The following PRKN variants were observed in gnomAD, a reference collection of about 807,000 sequenced individuals.
PRKN encodes parkin RBR E3 ubiquitin protein ligase, also known as E3 ubiquitin-protein ligase parkin.
In PRKN, 56 loss-of-function variants were observed where a neutral mutation model predicts 59.5. That is an observed-to-expected ratio of 0.94 (90% CI 0.76 to 1.18). The LOEUF is 1.18. Ranked by LOEUF, PRKN falls within the 50% of genes most tolerant of loss-of-function variation. The pLI is 0.00. For missense variants in PRKN, 657 were observed against 596.4 expected, an observed-to-expected ratio of 1.10 and a Z score of -1.06; for synonymous variants, 250 against 222.1, an observed-to-expected ratio of 1.13 and a Z score of -1.12.
At chr6:162,555,213 T>C (rs1020018274) in intron 1 of PRKN, among the ~76,000 whole-genome samples, 1 of 152,144 alleles carries the variant, frequency 6.6e-6, no homozygotes, top group Non-Finnish European at 1.5e-5. Context: ...GAATTTAAAA[T>C]CATGTCTAGA....
chr6:161,668,582 G>GCTC (rs1402524130), intron 7 of PRKN, among the ~76,000 whole-genome samples: 1 of 152,126 alleles, frequency 6.6e-6, no homozygotes, highest in Non-Finnish European at 1.5e-5. Context: ...AAGATATTAA[G>GCTC]CTCCATTAAT....
intron 1 of PRKN, among the ~76,000 whole-genome samples, chr6:162,457,605 C>T (rs1790940779): frequency 6.6e-6 from 1 of 150,780 alleles, no homozygotes; most frequent in Non-Finnish European, 1.5e-5. Context: ...TTAATACAAA[C>T]AAAGAAATAA....
At chr6:162,521,882 T>C (rs550916172) in intron 1 of PRKN, among the ~76,000 whole-genome samples, 1 of 152,302 alleles carries the variant, frequency 6.6e-6, no homozygotes, top group South Asian at 2.1e-4. Context: ...CAAGTAAGCA[T>C]GAATAGAATT....
At chr6:161,906,866 C>T (rs908583249) in intron 6 of PRKN, among the ~76,000 whole-genome samples, 6 of 151,870 alleles carry the variant, frequency 4.0e-5, no homozygotes, top group South Asian at 4.1e-4. Flanking sequence ...GTTTCCAGCA[C>T]GGGAGAAAGA....
chr6:161,828,488 C>T (rs563085496), intron 6 of PRKN, among the ~76,000 whole-genome samples: 32 of 152,084 alleles, frequency 2.1e-4, no homozygotes, highest in Non-Finnish European at 3.8e-4. Context: ...TTCCTGTGGG[C>T]CCCCCGACCT....
At chr6:161,675,521 C>T (rs1398797853) in intron 7 of PRKN, among the ~76,000 whole-genome samples, 1 of 152,216 alleles carries the variant, frequency 6.6e-6, no homozygotes, top group African/African-American at 2.4e-5. Context: ...GCAAAGACAA[C>T]TGTGATGCTG....
intron 7 of PRKN, among the ~76,000 whole-genome samples, chr6:161,722,877 C>T (rs1787283156): frequency 6.6e-6 from 1 of 152,090 alleles, no homozygotes; most frequent in South Asian, 2.1e-4. Context: ...CTGACTTTAA[C>T]CTTTAAAGAT....
intron 5 of PRKN, among the ~76,000 whole-genome samples, chr6:161,985,491 C>G (rs566903403): frequency 6.6e-6 from 1 of 152,102 alleles, no homozygotes; most frequent in African/African-American, 2.4e-5. Flanking sequence ...TAATTATTTA[C>G]GAGAAACTGA....
chr6:161,531,222 A>G (rs1779197243), intron 9 of PRKN, among the ~76,000 whole-genome samples: 1 of 151,958 alleles, frequency 6.6e-6, no homozygotes, highest in Admixed American at 6.5e-5. Context: ...TCTACTAAAA[A>G]TACAAAAAAT....
intron 1 of PRKN, among the ~76,000 whole-genome samples, chr6:162,499,872 A>G (rs916291215): frequency 5.3e-5 from 8 of 152,190 alleles, no homozygotes; most frequent in African/African-American, 1.9e-4. Context: ...TGTCAAATAT[A>G]TCATCTTTTC....
chr6:162,075,496 C>A (rs9355381), intron 4 of PRKN, among the ~76,000 whole-genome samples: 124,608 of 152,068 alleles, frequency 0.82, 51,252 homozygotes, highest in Admixed American at 0.88. Context: ...AGGTACAAAT[C>A]ACATCGGATT....
chr6:162,199,559 G>A (rs557561993), intron 4 of PRKN, among the ~76,000 whole-genome samples: 7 of 152,270 alleles, frequency 4.6e-5, no homozygotes, highest in African/African-American at 1.7e-4. Flanking sequence ...GGGTAGATGA[G>A]GTTGTGTCTT....
chr6:162,661,381 A>G (rs1458476075), intron 1 of PRKN, among the ~76,000 whole-genome samples: 1 of 152,230 alleles, frequency 6.6e-6, no homozygotes, highest in African/African-American at 2.4e-5. Context: ...TCTAATGCCT[A>G]AAATGCAGCA....
At chr6:162,410,357 C>T (rs1244418685) in intron 2 of PRKN, among the ~76,000 whole-genome samples, 1 of 152,110 alleles carries the variant, frequency 6.6e-6, no homozygotes, top group Admixed American at 6.5e-5. Context: ...AATCCAGAAA[C>T]AGACCTAAAA....
At position 162,011,432 on chromosome 6, in the gene PRKN, ATG is replaced by A. The variant is rs1156555411; in HGVS notation, c.619-38017_619-38016del. ...TAATATATTATATTTTATAATATAT[ATG>A]TTATATATTTATAATATATAATATA... is the stretch of plus-strand genomic sequence containing the variant. On this transcript the variant is annotated intron_variant, in intron 5 of 11. Transcript: ENST00000366898. Among the ~76,000 whole-genome samples, 8 of 23,174 alleles carry A rather than the reference ATG, an allele frequency of 3.5e-4. 1 individual carries two copies. Among genetic ancestry groups the A allele is most frequent in the African/African-American group, 3.2e-3 (6 of 1,878 alleles). The allele number at this position is 23,174 out of a possible 152,430, so 15.2% of individuals were successfully genotyped here. A position where few individuals can be genotyped will look rare whatever the true frequency, so the allele number is the denominator to read the frequency against.
chr6:162,158,775 C>T (rs1782634446), intron 4 of PRKN, among the ~76,000 whole-genome samples: 1 of 151,912 alleles, frequency 6.6e-6, no homozygotes, highest in Admixed American at 6.6e-5. Context: ...CTTTCCTCCT[C>T]CCGCCTTCAT....
chr6:161,858,270 A>T (rs1392519196), intron 6 of PRKN, among the ~76,000 whole-genome samples: 1 of 152,210 alleles, frequency 6.6e-6, no homozygotes, highest in African/African-American at 2.4e-5. Context: ...ATGATATGTG[A>T]AGCAAAAACT....
intron 3 of PRKN, among the ~76,000 whole-genome samples, chr6:162,251,243 C>A (rs567878770): frequency 6.6e-6 from 1 of 152,268 alleles, no homozygotes; most frequent in South Asian, 2.1e-4. Flanking sequence ...ATGATCCAGA[C>A]ACTCTACCTG....
At chr6:162,375,742 T>TACACACACACAC (rs60180187) in intron 2 of PRKN, among the ~76,000 whole-genome samples, 32,436 of 148,832 alleles carry the variant, frequency 0.22, 3,497 homozygotes, top group Non-Finnish European at 0.22. Flanking sequence ...TATGGCTTTG[T>TACACACACACAC]ACACACACAC....
Sources: gnomAD v4.1 joint callset for allele counts (sites outside exome capture counted in the v4.1 genomes callset) on GRCh38, gnomAD v4.1.1 for gene constraint, MANE v1.5 for transcripts, NCBI Gene and HGNC (gene_info 2026-07-23, HGNC 2026-07-21) for gene names.